Variants in GSAP observed in about 807,000 individuals in gnomAD.
The protein encoded by GSAP is gamma-secretase-activating protein.
GSAP carries 118 observed loss-of-function variants against 131.7 expected under a neutral mutation model. The ratio of observed to expected loss-of-function variants is 0.90; its 90% confidence interval spans 0.77 to 1.04. The LOEUF (loss-of-function observed/expected upper bound fraction) is 1.04, where lower values mean the gene tolerates loss of function less well. Among genes scored for constraint, GSAP ranks in the 50% least tolerant of loss-of-function variants. The pLI is 0.00. For missense variants in GSAP, 1,019 were observed against 1,013.2 expected, an observed-to-expected ratio of 1.01 and a Z score of -0.08; for synonymous variants, 381 against 363.4, an observed-to-expected ratio of 1.05 and a Z score of -0.55.
intron 1 of GSAP, 54 bp downstream of exon 1, chr7:77,416,159 A>G (rs933754873): frequency 1.5e-5 from 16 of 1,032,784 alleles, no homozygotes; most frequent in Non-Finnish European, 2.0e-5. Context: ...TCCGGGGGGT[A>G]TGAGGGACTC....
chr7:77,311,773 G>A (rs1794387603), intron 30 of GSAP, 68 bp downstream of exon 30: 3 of 790,548 alleles, frequency 3.8e-6, no homozygotes, highest in Non-Finnish European at 6.7e-6. Flanking sequence ...AGACAAAGAA[G>A]TGAATAGGGA....
At chr7:77,353,545 T>C (rs1452875597) in intron 17 of GSAP, 27 bp downstream of exon 17, 7 of 1,531,068 alleles carry the variant, frequency 4.6e-6, no homozygotes, top group Non-Finnish European at 6.3e-6. Flanking sequence ...AGTATTCAAC[T>C]TAAGCTGCAA....
In GSAP at chr7:77,387,464, G is replaced by A. The variant is rs775069937; in HGVS notation, c.368-16C>T. On this transcript the variant is annotated splice_polypyrimidine_tract_variant and intron_variant, in intron 5 of 30. Coordinates refer to ENST00000257626, the MANE Select transcript of GSAP (RefSeq NM_017439.4). ...CACTTTGATCCTACAGAGAAAAGAA[G>A]GCTTTTAGTAACGAAGATTGTAATA... 5 of 1,395,498 alleles carry A rather than the reference G, an allele frequency of 3.6e-6. No individual in the cohort carries two copies. In the Admixed American group the frequency reaches 5.1e-5, roughly 14 times the overall value. 86.4% of individuals were successfully genotyped at this position (1,395,498 alleles called of 1,614,324 possible).
intron 12 of GSAP, among the ~76,000 whole-genome samples, chr7:77,368,360 A>G (rs531453085): frequency 6.6e-6 from 1 of 152,176 alleles, no homozygotes; most frequent in Non-Finnish European, 1.5e-5. Flanking sequence ...AGCTGCTTCT[A>G]ATCAGCCCTG....
chr7:77,354,423 C>G (rs554241793), intron 16 of GSAP, among the ~76,000 whole-genome samples: 3 of 152,118 alleles, frequency 2.0e-5, no homozygotes, highest in South Asian at 2.1e-4. Flanking sequence ...TTAGGGGAAA[C>G]AACTAAAAAA....
intron 19 of GSAP, among the ~76,000 whole-genome samples, chr7:77,341,538 T>G (rs1300254481): frequency 1.1e-4 from 17 of 152,210 alleles, no homozygotes; most frequent in Admixed American, 1.1e-3. Flanking sequence ...TTAATGCTCC[T>G]TTTTCTTTAT....
chr7:77,350,633 CTCAGGAGG>C (rs1792718552), intron 18 of GSAP, among the ~76,000 whole-genome samples: 3 of 150,966 alleles, frequency 2.0e-5, no homozygotes, highest in African/African-American at 7.3e-5. Context: ...TTTCCAGCTA[CTCAGGAGG>C]CTGAGGCAGG....
intron 5 of GSAP, among the ~76,000 whole-genome samples, chr7:77,390,290 T>C (rs1372798161): frequency 6.6e-6 from 1 of 152,146 alleles, no homozygotes; most frequent in Non-Finnish European, 1.5e-5. Flanking sequence ...TTAGTTTAAT[T>C]AGATCCCATT....
intron 6 of GSAP, among the ~76,000 whole-genome samples, chr7:77,384,627 C>G (rs767741125): frequency 1.3e-5 from 2 of 151,886 alleles, no homozygotes; most frequent in African/African-American, 2.4e-5. Flanking sequence ...TGAAGACACA[C>G]CTTGTGCTGG....
chr7:77,343,866 C>G (rs768992686), intron 19 of GSAP, among the ~76,000 whole-genome samples: 9 of 152,184 alleles, frequency 5.9e-5, no homozygotes, highest in Non-Finnish European at 8.8e-5. Flanking sequence ...CCTCTCGTTT[C>G]CTTTCCACCG....
chr7:77,390,233 T>G (rs1269151466), intron 5 of GSAP, among the ~76,000 whole-genome samples: 1 of 152,156 alleles, frequency 6.6e-6, no homozygotes, highest in Non-Finnish European at 1.5e-5. Context: ...ATTCTGTAGG[T>G]TGCCTGTTCA....
intron 14 of GSAP, among the ~76,000 whole-genome samples, chr7:77,356,209 CT>C (rs1793708377): frequency 6.6e-6 from 1 of 152,208 alleles, no homozygotes; most frequent in Admixed American, 6.5e-5. Flanking sequence ...TTATTTCCAT[CT>C]TTGGCTAATT....
At chr7:77,314,207 ATAC>A (rs1483198764) in intron 27 of GSAP, among the ~76,000 whole-genome samples, 160 bp downstream of exon 27, 2 of 152,208 alleles carry the variant, frequency 1.3e-5, no homozygotes, top group Non-Finnish European at 2.9e-5. Context: ...CCTCGTTCAA[ATAC>A]TACTAAGAAT....
chr7:77,410,300 G>A (rs1435487178), intron 1 of GSAP, among the ~76,000 whole-genome samples: 1 of 152,132 alleles, frequency 6.6e-6, no homozygotes, highest in East Asian at 1.9e-4. Context: ...TGCAAATCCA[G>A]AGACCAATGT....
At position 77,313,663 on chromosome 7, in the gene GSAP, T is replaced by C. The variant is rs531516101; in HGVS notation, c.2210-114A>G. 1.9e-5 allele frequency: 10 copies of C among 537,468 alleles called. No homozygotes were observed. The South Asian group carries it at 2.7e-4, about 15-fold the overall frequency. 33.3% of individuals were successfully genotyped at this position (537,468 alleles called of 1,614,324 possible). A position where few individuals can be genotyped will look rare whatever the true frequency, so the allele number is the denominator to read the frequency against. ...GATAGGACATATCCCAACTGTGTAT[T>C]CTCAAGCTAATCTAACAGCATTTTG... is the stretch of plus-strand genomic sequence containing the variant. On this transcript the variant is annotated intron_variant, in intron 27 of 30. Transcript: ENST00000257626.
chr7:77,381,517 A>G (rs1797805920), intron 7 of GSAP, among the ~76,000 whole-genome samples, 163 bp from the exon 8 acceptor site: 1 of 152,232 alleles, frequency 6.6e-6, no homozygotes, highest in South Asian at 2.1e-4. Context: ...CAGAGGTTCA[A>G]AAACTTTTTA....
intron 12 of GSAP, among the ~76,000 whole-genome samples, chr7:77,363,843 T>C (rs190907097): frequency 5.3e-5 from 8 of 152,268 alleles, no homozygotes; most frequent in African/African-American, 1.9e-4. Flanking sequence ...ATAACAACTT[T>C]TCTTTACAAT....
chr7:77,366,320 C>T (rs544539341), intron 12 of GSAP, among the ~76,000 whole-genome samples: 2 of 152,262 alleles, frequency 1.3e-5, no homozygotes, highest in East Asian at 3.9e-4. Flanking sequence ...ATTCCTATGA[C>T]TAGGATGGTA....
chr7:77,380,652 A>G (rs781510977), intron 8 of GSAP, among the ~76,000 whole-genome samples: 1 of 152,072 alleles, frequency 6.6e-6, no homozygotes, highest in Non-Finnish European at 1.5e-5. Flanking sequence ...GGGGTAGGAG[A>G]TTAGTATTAG....
Sources: gnomAD v4.1 joint callset for allele counts (sites outside exome capture counted in the v4.1 genomes callset) on GRCh38, gnomAD v4.1.1 for gene constraint, MANE v1.5 for transcripts, NCBI Gene and HGNC (gene_info 2026-07-23, HGNC 2026-07-21) for gene names.